MXD3: variants seen among roughly 807,000 people sequenced by gnomAD.
MXD3 encodes the protein MAX dimerization protein 3.
In MXD3, 20 loss-of-function variants were observed where a neutral mutation model predicts 27.5. The ratio of observed to expected loss-of-function variants is 0.73; its 90% CI spans 0.51 to 1.06. The LOEUF (loss-of-function observed/expected upper bound fraction) is 1.06, where lower values mean the gene tolerates loss of function less well. Among genes scored for constraint, MXD3 ranks in the 50% least tolerant of loss-of-function variants. The probability of loss-of-function intolerance (pLI) is 0.00; values close to 1 mark genes in which losing one functional copy is unlikely to be tolerated. For missense variants in MXD3, 298 were observed against 291.3 expected (o/e 1.02, Z -0.17); for synonymous variants, 150 against 130.7 (o/e 1.15, Z -1.01).
chr5:177,312,067 G>A (rs1761052789), upstream of MXD3: 2 of 1,204,042 alleles, frequency 1.7e-6, no homozygotes, highest in South Asian at 3.4e-5. Context: ...CTTTCCAGGG[G>A]CAGGTAAGGG....
At chr5:177,311,126 G>C (rs1389916576) in intron 2 of MXD3, 3 of 528,044 alleles carry the variant, frequency 5.7e-6, no homozygotes, top group Non-Finnish European at 1.0e-5. Context: ...GGGTGCGGGA[G>C]TGCGAGTGGA....
At chr5:177,309,242 G>A (rs1186475557) in intron 4 of MXD3, among the ~76,000 whole-genome samples, 1 of 152,228 alleles carries the variant, frequency 6.6e-6, no homozygotes, top group African/African-American at 2.4e-5. Context: ...GTTTTCAGCA[G>A]GAGATGGGCC....
downstream of MXD3, chr5:177,306,013 C>T (rs776071846): frequency 6.2e-7 from 1 of 1,606,596 alleles, no homozygotes; most frequent in Non-Finnish European, 8.5e-7. Context: ...GCTGCTGGGG[C>T]TCTGGGACCC....
chr5:177,309,020 T>C (rs1170650965), intron 4 of MXD3, among the ~76,000 whole-genome samples: 2 of 152,062 alleles, frequency 1.3e-5, no homozygotes, highest in Non-Finnish European at 2.9e-5. Flanking sequence ...CGTAGAAAGA[T>C]AAGAGCTGCC....
At chr5:177,308,087 T>A in intron 4 of MXD3, 123 bp from the exon 5 acceptor site, 1 of 934,314 alleles carries the variant, frequency 1.1e-6, no homozygotes, top group Non-Finnish European at 1.6e-6. Flanking sequence ...AGGTGGCGAC[T>A]AAATCCAGGC....
chr5:177,307,545 C>G lies in MXD3; in HGVS notation c.*43G>C, dbSNP rs770752275. 11 of 1,600,462 alleles carry G rather than the reference C, an allele frequency of 6.9e-6. No individual in the cohort carries two copies. Among genetic ancestry groups the G allele is most frequent in the South Asian group, 2.2e-5 (2 of 89,644 alleles). ...GAGGGCTCCTGCCTGGCAAGTGGGC[C>G]TGGCACGAGTAGAGGGCAGAGGCCC... On this transcript the variant is annotated 3_prime_UTR_variant, in exon 6 of 6. Transcript: ENST00000439742.
At chr5:177,311,568 A>C (rs1389768104) in intron 1 of MXD3, 84 bp from the exon 2 acceptor site, 1 of 1,250,408 alleles carries the variant, frequency 8.0e-7, no homozygotes, top group Non-Finnish European at 1.1e-6. Flanking sequence ...GGTCAAGGAA[A>C]GGCTTTTGGC....
chr5:177,312,329 T>A (rs948866356), upstream of MXD3: 2 of 986,202 alleles, frequency 2.0e-6, no homozygotes, highest in Non-Finnish European at 1.2e-6. Flanking sequence ...CATTCGCACA[T>A]GGCTTCTCAA....
In MXD3 at chr5:177,311,769, C is replaced by T; in HGVS notation, c.62G>A (p.Arg21His). The change falls in exon 1 of 6, where the codon CGT becomes CAT. Residue 21 changes from arginine (R) to histidine (H), a missense_variant. Transcript: ENST00000439742. ...CAAGGGTCCTTCCTCACCTCTCTCA[C>T]GGCGCTCCAGGAACTCGGCCGCCTG... ...LLQAAEFLER[R>H]EREAEHGYAS... is the part of the protein sequence containing the mutation. 1 of 1,613,138 alleles carries T rather than the reference C, an allele frequency of 6.2e-7. No homozygotes were observed. Among genetic ancestry groups the T allele is most frequent in the African/African-American group, 1.3e-5 (1 of 75,024 alleles).
At chr5:177,307,012 C>T, downstream of MXD3, 1 of 1,435,116 alleles carries the variant, frequency 7.0e-7, no homozygotes, top group Non-Finnish European at 9.2e-7. Flanking sequence ...GTTTTTGGAC[C>T]TCAGGCGAGT....
downstream of MXD3, chr5:177,306,866 A>T (rs1302381113): frequency 1.4e-6 from 1 of 724,518 alleles, no homozygotes; most frequent in Non-Finnish European, 2.2e-6. Context: ...TAAGCCCGAC[A>T]AGGGCAGGGC....
chr5:177,310,642 G>A (rs757093367), intron 3 of MXD3, 26 bp downstream of exon 3: 37 of 1,614,022 alleles, frequency 2.3e-5, no homozygotes, highest in South Asian at 4.4e-5. Flanking sequence ...GGGGGCTGGC[G>A]CTGTCAGGGC....
Position 177,307,709 on chromosome 5 carries a change from C to A in MXD3, c.506-6G>T. ...CACATCCACCTCCAGCTCCTCTGCG[C>A]GGGGAGGGGTCCGGTCAGAAGACCT... On this transcript the variant is annotated splice_polypyrimidine_tract_variant and splice_region_variant and intron_variant, in intron 5 of 5. Coordinates refer to ENST00000439742, the MANE Select transcript of MXD3 (RefSeq NM_031300.4). 6.2e-7 allele frequency: 1 copy of A among 1,613,756 alleles called. No homozygotes were observed. Among genetic ancestry groups the A allele is most frequent in the Non-Finnish European group, 8.5e-7 (1 of 1,179,932 alleles).
rs1168219183 is a variant in MXD3, at chr5:177,307,391, C to T, written c.*197G>A. On this transcript the variant is annotated 3_prime_UTR_variant, in exon 6 of 6. Transcript: ENST00000439742. The stretch of plus-strand genomic sequence containing the variant: ...GGGGTCCAGGGAGGTCCTGATGAGT[C>T]CTGCCCCTTCCCTTCCAGAGGGCCT... 2 of 1,492,148 alleles carry T rather than the reference C, an allele frequency of 1.3e-6. No homozygotes were observed. The highest frequency in any genetic ancestry group is 9.1e-7 in the Non-Finnish European group (1 of 1,100,306). 92.4% of individuals were successfully genotyped at this position (1,492,148 alleles called of 1,614,324 possible). A position where few individuals can be genotyped will look rare whatever the true frequency, so the allele number is the denominator to read the frequency against.
downstream of MXD3, chr5:177,305,589 C>T (rs972915800): frequency 2.0e-5 from 9 of 442,490 alleles, no homozygotes; most frequent in Non-Finnish European, 3.3e-5. Flanking sequence ...TCTAGATGCA[C>T]AAAACAAAAT....
chr5:177,306,414 C>T (rs891028469), downstream of MXD3: 10 of 1,613,922 alleles, frequency 6.2e-6, no homozygotes, highest in African/African-American at 2.7e-5. Context: ...ACCTGCCGTT[C>T]GCGACAGGCG....
chr5:177,311,647 C>T, intron 1 of MXD3, 114 bp downstream of exon 1: 1 of 1,227,736 alleles, frequency 8.1e-7, no homozygotes, highest in Admixed American at 3.0e-5. Flanking sequence ...GAGGGCGAGG[C>T]GCCCCGGGAT....
rs1033621489 is a variant in MXD3, at chr5:177,307,448, G to C, written c.*140C>G. The C allele has an allele frequency of 2.6e-5, 40 of 1,518,068 alleles. No homozygotes were observed. The highest frequency in any genetic ancestry group is 3.9e-5 in the Admixed American group (2 of 50,948). The allele number at this position is 1,518,068 out of a possible 1,614,324, so 94.0% of individuals were successfully genotyped here. A position where few individuals can be genotyped will look rare whatever the true frequency, so the allele number is the denominator to read the frequency against. The stretch of plus-strand genomic sequence containing the variant: ...CAGCCAGCAGCAGGGTGTTTGGGGA[G>C]CACCTGTTCCCACACAAGGGTCCTT... On this transcript the variant is annotated 3_prime_UTR_variant, in exon 6 of 6. Coordinates refer to ENST00000439742, the MANE Select transcript of MXD3 (RefSeq NM_031300.4).
chr5:177,306,239 GAGTCTGGGTT>G (rs1401930078), downstream of MXD3: 11 of 1,582,144 alleles, frequency 7.0e-6, no homozygotes, highest in Non-Finnish European at 7.8e-6. Flanking sequence ...AGCGGGCGTG[GAGTCTGGGTT>G]AGTCATTGCC....
Sources: gnomAD v4.1 joint callset for allele counts (sites outside exome capture counted in the v4.1 genomes callset) on GRCh38, gnomAD v4.1.1 for gene constraint, MANE v1.5 for transcripts, NCBI Gene and HGNC (gene_info 2026-07-23, HGNC 2026-07-21) for gene names.